Variants in MINAR2 observed in about 807,000 individuals in gnomAD.
MINAR2 encodes the protein membrane integral NOTCH2 associated receptor 2.
MINAR2 carries 21 observed loss-of-function variants against 16.1 expected under a neutral mutation model. That is an observed-to-expected ratio of 1.31 (90% CI 0.93 to 1.88). The LOEUF (loss-of-function observed/expected upper bound fraction) is 1.88, where lower values mean the gene tolerates loss of function less well. Among genes scored for constraint, MINAR2 ranks in the 40% most tolerant of loss-of-function variants. The pLI, the probability that MINAR2 is intolerant of heterozygous loss-of-function variation, is 0.00. For missense variants in MINAR2, 259 were observed against 229.8 expected (o/e 1.13, Z -0.82); for synonymous variants, 86 against 83.0 (o/e 1.04, Z -0.20).
At chr5:129,752,962 G>A (rs970634167) in intron 1 of MINAR2, among the ~76,000 whole-genome samples, 1 of 151,988 alleles carries the variant, frequency 6.6e-6, no homozygotes, top group Admixed American at 6.5e-5. Flanking sequence ...GCGAGAGGCT[G>A]CTCTTCCATT....
chr5:129,760,314 A>T, intron 1 of MINAR2, 64 bp from the exon 2 acceptor site: 3 of 1,196,858 alleles, frequency 2.5e-6, no homozygotes, highest in Non-Finnish European at 3.6e-6. Context: ...TAGTTATCTC[A>T]CATTGCATTC....
intron 1 of MINAR2, among the ~76,000 whole-genome samples, chr5:129,757,798 T>G (rs574064802): frequency 7.9e-5 from 12 of 152,120 alleles, no homozygotes; most frequent in African/African-American, 2.6e-4. Context: ...AATTAGTGAT[T>G]ATTACTATTT....
At chr5:129,763,975 G>A (rs1758173209) in intron 2 of MINAR2, among the ~76,000 whole-genome samples, 1 of 152,170 alleles carries the variant, frequency 6.6e-6, no homozygotes, top group African/African-American at 2.4e-5. Context: ...ATATAATGAA[G>A]CATGAAGTAG....
At chr5:129,761,234 T>C (rs777788067) in intron 2 of MINAR2, among the ~76,000 whole-genome samples, 3 of 152,176 alleles carry the variant, frequency 2.0e-5, no homozygotes, top group Non-Finnish European at 4.4e-5. Context: ...CCCCATCACA[T>C]GAAAAACTTC....
At chr5:129,759,840 A>C (rs1198579485) in intron 1 of MINAR2, among the ~76,000 whole-genome samples, 1 of 152,150 alleles carries the variant, frequency 6.6e-6, no homozygotes. Context: ...CAGTCTTTAC[A>C]CACACACATG....
At chr5:129,753,818 GAGA>G (rs1372240515) in intron 1 of MINAR2, among the ~76,000 whole-genome samples, 4 of 148,600 alleles carry the variant, frequency 2.7e-5, no homozygotes, top group Admixed American at 6.8e-5. Context: ...AGGAAGGAAG[GAGA>G]AGAAGAAAAA....
rs1486875605 is a variant in MINAR2 at position 129,766,506 on chromosome 5, A to T, written c.*1443A>T. 1 of 152,068 alleles carries T rather than the reference A, an allele frequency of 6.6e-6. No homozygotes were observed. The highest frequency in any genetic ancestry group is 1.5e-5 in the Non-Finnish European group (1 of 68,060). The allele number at this position is 152,068 out of a possible 1,614,324, so 9.4% of individuals were successfully genotyped here. ...CAAAAATTAGCCGGGGCTTGGTGGC[A>T]GACACCTGTAGTCTCAGCTACTTGG... On this transcript the variant is annotated 3_prime_UTR_variant, in exon 3 of 3. Transcript: ENST00000564719.
At chr5:129,755,473 G>A (rs1244919551) in intron 1 of MINAR2, among the ~76,000 whole-genome samples, 1 of 151,994 alleles carries the variant, frequency 6.6e-6, no homozygotes, top group African/African-American at 2.4e-5. Context: ...TGTGTGTTTG[G>A]AGGAGGTTTA....
chr5:129,765,755 T>G lies in MINAR2; in HGVS notation c.*692T>G, dbSNP rs1758203614. ...ATAATTAATTACATTTAGATCCAAT[T>G]TATCCAAATTGGCTGTGACCCCTGG... On this transcript the variant is annotated 3_prime_UTR_variant, in exon 3 of 3. Coordinates refer to ENST00000564719, the MANE Select transcript of MINAR2 (RefSeq NM_001257308.2). 1 of 152,204 alleles carries G rather than the reference T, an allele frequency of 6.6e-6. No individual in the cohort carries two copies. Among genetic ancestry groups the G allele is most frequent in the South Asian group, 2.1e-4 (1 of 4,828 alleles). 9.4% of individuals were successfully genotyped at this position (152,204 alleles called of 1,614,324 possible). A position where few individuals can be genotyped will look rare whatever the true frequency, so the allele number is the denominator to read the frequency against.
intron 1 of MINAR2, among the ~76,000 whole-genome samples, chr5:129,759,327 A>T (rs893158207): frequency 1.3e-5 from 2 of 152,146 alleles, no homozygotes; most frequent in African/African-American, 2.4e-5. Flanking sequence ...ATCTAAAATT[A>T]ACTTATATGA....
At chr5:129,751,487 A>G (rs1757984554) in intron 1 of MINAR2, among the ~76,000 whole-genome samples, 2 of 152,168 alleles carry the variant, frequency 1.3e-5, no homozygotes, top group Admixed American at 1.3e-4. Flanking sequence ...AATTATAGGC[A>G]TGAGTCACCA....
Position 129,748,334 on chromosome 5 carries a change from G to A in MINAR2, c.144G>A (p.Trp48Ter). Residue 48 changes from tryptophan (W) to a stop codon, truncating the protein, a stop_gained, in exon 1 of 3, where the codon TGG becomes TGA. Coordinates refer to ENST00000564719, the MANE Select transcript of MINAR2 (RefSeq NM_001257308.2). LOFTEE classifies it high-confidence loss of function. ...GAAATTATCCTGCTGCACAACACTGGCAAAACCTTGTCTACTCACAGGTAA... is the reference window on the plus strand; with the variant it reads ...GAAATTATCCTGCTGCACAACACTGACAAAACCTTGTCTACTCACAGGTAA... ...PGGNYPAAQH[W>*]QNLVYSQREK... 1 of 1,535,008 alleles carries A rather than the reference G, an allele frequency of 6.5e-7. No individual in the cohort carries two copies. Among genetic ancestry groups the A allele is most frequent in the Non-Finnish European group, 8.7e-7 (1 of 1,146,496 alleles).
rs564237606 is a variant in MINAR2 at position 129,750,451 on chromosome 5, T to C, written c.165+2096T>C. Among the ~76,000 whole-genome samples the C allele has an allele frequency of 2.0e-3, 301 of 152,286 alleles. 1 individual carries two copies. The highest frequency in any genetic ancestry group is 7.0e-3 in the African/African-American group (291 of 41,568). On this transcript the variant is annotated intron_variant, in intron 1 of 2. Coordinates refer to ENST00000564719, the MANE Select transcript of MINAR2 (RefSeq NM_001257308.2). ...ATGGGAAGAACATGGAATAAAGAAG[T>C]TAGAAACTTGGTTTCTTATCTCAAA...
At chr5:129,762,014 G>T (rs542081250) in intron 2 of MINAR2, among the ~76,000 whole-genome samples, 2 of 152,102 alleles carry the variant, frequency 1.3e-5, no homozygotes, top group Non-Finnish European at 2.9e-5. Flanking sequence ...GGGCCTGTGA[G>T]GGGTGGGGGA....
chr5:129,760,313 C>A, intron 1 of MINAR2, 65 bp from the exon 2 acceptor site: 2 of 1,185,240 alleles, frequency 1.7e-6, no homozygotes, highest in Non-Finnish European at 2.4e-6. Context: ...GTAGTTATCT[C>A]ACATTGCATT....
In MINAR2 at chr5:129,760,598, A is replaced by G. The variant is rs1021733445; in HGVS notation, c.386A>G (p.His129Arg). The G allele has an allele frequency of 3.9e-6, 6 of 1,534,078 alleles. No homozygotes were observed. The African/African-American group carries it at 6.9e-5, about 18-fold the overall frequency. ...TCCCTGCACACAAACCTCTCTGGAC[A>G]TCTGAAGGTACTCACGACTAAGAGT... ...KHSLHTNLSG[H>R]LKENPNDLRF... Residue 129 changes from histidine to arginine, a missense_variant, in exon 2 of 3, where the codon CAT becomes CGT. Coordinates refer to ENST00000564719, the MANE Select transcript of MINAR2 (RefSeq NM_001257308.2).
Position 129,760,567 on chromosome 5 carries a change from A to G in MINAR2, c.355A>G (p.Lys119Glu). The G allele has an allele frequency of 2.6e-6, 4 of 1,535,540 alleles. No individual in the cohort carries two copies. The highest frequency in any genetic ancestry group is 3.5e-6 in the Non-Finnish European group (4 of 1,146,476). ...CTCATGGACCATTGAGGAATATGAC[A>G]AACATTCCCTGCACACAAACCTCTC... ...NPSWTIEEYDKHSLHTNLSGH... is the reference protein window; with the variant it reads ...NPSWTIEEYDEHSLHTNLSGH... Residue 119 changes from lysine to glutamate, a missense_variant, in exon 2 of 3, where the codon AAA becomes GAA. Lys to Glu is a moderately conservative substitution (Grantham distance 56). Transcript: ENST00000564719.
Position 129,756,678 on chromosome 5 carries a change from A to G in MINAR2, c.166-3700A>G, listed in dbSNP as rs144259506. ...ATTTTGCATGCTTGAGAAAAATTAC[A>G]TGTATAAATTTCTCTGTGTAATTAT... is the stretch of plus-strand genomic sequence containing the variant. On this transcript the variant is annotated intron_variant, in intron 1 of 2. Transcript: ENST00000564719. Among the ~76,000 whole-genome samples, 51 of 152,196 alleles carry G rather than the reference A, an allele frequency of 3.4e-4. 2 individuals carry two copies. In the East Asian group the frequency reaches 9.4e-3, roughly 28 times the overall value.
chr5:129,748,425 T>C, intron 1 of MINAR2, 70 bp downstream of exon 1: 1 of 1,457,664 alleles, frequency 6.9e-7, no homozygotes, highest in South Asian at 1.3e-5. Context: ...CATTTCACCA[T>C]TTATGCAACA....
Sources: gnomAD v4.1 joint callset for allele counts (sites outside exome capture counted in the v4.1 genomes callset) on GRCh38, gnomAD v4.1.1 for gene constraint, MANE v1.5 for transcripts, NCBI Gene and HGNC (gene_info 2026-07-23, HGNC 2026-07-21) for gene names.